The following ARHGEF10L variants were observed in gnomAD, a reference collection of about 807,000 sequenced individuals.
ARHGEF10L encodes rho guanine nucleotide exchange factor 10-like protein.
Under a neutral mutation model 141.2 loss-of-function variants are expected in ARHGEF10L, and 69 were observed. The ratio of observed to expected loss-of-function variants is 0.49; its 90% CI spans 0.40 to 0.60. The LOEUF (loss-of-function observed/expected upper bound fraction) is 0.60, where lower values mean the gene tolerates loss of function less well. Ranked by LOEUF, ARHGEF10L falls within the 20% of genes least tolerant of loss-of-function variation. The probability of loss-of-function intolerance (pLI) is 0.00; values close to 1 mark genes in which losing one functional copy is unlikely to be tolerated. For synonymous variants in ARHGEF10L, 711 were observed against 718.5 expected (o/e 0.99, Z 0.17); for missense variants, 1,482 against 1,734.3 (o/e 0.85, Z 2.58).
At chr1:17,597,909 G>A (rs1396499289) in intron 4 of ARHGEF10L, among the ~76,000 whole-genome samples, 1 of 152,108 alleles carries the variant, frequency 6.6e-6, no homozygotes, top group Non-Finnish European at 1.5e-5. Flanking sequence ...TGATGCCTCT[G>A]CCCACCTCCA....
intron 1 of ARHGEF10L, among the ~76,000 whole-genome samples, chr1:17,544,701 C>T (rs1044733053): frequency 4.0e-5 from 6 of 151,866 alleles, no homozygotes; most frequent in South Asian, 2.1e-4. Context: ...TGTGTGTGTG[C>T]GTTGGGGAGT....
At chr1:17,692,098 G>A (rs984853302) in intron 27 of ARHGEF10L, among the ~76,000 whole-genome samples, 14 of 152,214 alleles carry the variant, frequency 9.2e-5, no homozygotes, top group Non-Finnish European at 1.3e-4. Context: ...AGGGCTGGGG[G>A]CCTGACCCTG....
intron 15 of ARHGEF10L, among the ~76,000 whole-genome samples, chr1:17,630,906 G>A (rs1247645877): frequency 6.6e-6 from 1 of 150,446 alleles, no homozygotes; most frequent in East Asian, 2.0e-4. Context: ...CTCTCCTGGG[G>A]ATGCCTGGGG....
At chr1:17,522,018 AGGAC>A in the ARHGEF10L span, among the ~76,000 whole-genome samples, 4 of 152,180 alleles carry the variant, frequency 2.6e-5, no homozygotes, top group Non-Finnish European at 5.9e-5. Flanking sequence ...CATGACTCCC[AGGAC>A]GGACGGTTGT....
intron 1 of ARHGEF10L, among the ~76,000 whole-genome samples, chr1:17,544,009 T>C (rs2076827924): frequency 6.6e-6 from 1 of 151,034 alleles, no homozygotes; most frequent in Non-Finnish European, 1.5e-5. Flanking sequence ...TGCAGTGGCG[T>C]GATCTCTGCT....
At chr1:17,585,295 A>G (rs112357399) in intron 2 of ARHGEF10L, among the ~76,000 whole-genome samples, 2,280 of 152,154 alleles carry the variant, frequency 0.015, 60 homozygotes, top group African/African-American at 0.052. Context: ...GTTCCAGTCC[A>G]TCCCCATCCT....
At chr1:17,694,884 G>A (rs1375412123) in intron 27 of ARHGEF10L, 6 of 627,042 alleles carry the variant, frequency 9.6e-6, no homozygotes, top group African/African-American at 1.8e-5. Flanking sequence ...CAGGCGCTGT[G>A]CCTGTGGTGT....
Position 17,656,700 on chromosome 1 carries a change from G to T in ARHGEF10L, c.2852G>T (p.Arg951Leu), listed in dbSNP as rs542988034. The T allele has an allele frequency of 1.2e-6, 2 of 1,612,540 alleles. No individual in the cohort carries two copies. Among genetic ancestry groups the T allele is most frequent in the East Asian group, 4.5e-5 (2 of 44,856 alleles). Residue 951 changes from arginine to leucine, a missense_variant, in exon 25 of 29, where the codon CGG becomes CTG. Transcript: ENST00000361221. The surrounding 1 kb of genome is among the most constrained non-coding windows in gnomAD (Gnocchi z 4.9). ...LQDGTLAAYP[R>L]TSGGVLWDLE... ...GATGGGACCCTTGCTGCTTACCCTC[G>T]GACCAGCGGTGAGGACTGGGGGGAA... is the stretch of plus-strand genomic sequence containing the variant.
chr1:17,671,355 C>T (rs546416503), intron 26 of ARHGEF10L, among the ~76,000 whole-genome samples: 5 of 152,270 alleles, frequency 3.3e-5, no homozygotes, highest in South Asian at 4.1e-4. Flanking sequence ...GGGAGGAATT[C>T]GCAGAAGGGG....
intron 22 of ARHGEF10L, among the ~76,000 whole-genome samples, chr1:17,649,914 A>G (rs780836662): frequency 9.2e-5 from 14 of 152,170 alleles, no homozygotes; most frequent in Non-Finnish European, 1.3e-4. Context: ...GCAGGAGGAG[A>G]GAGGGCGGGC....
At chr1:17,514,758 GT>G in the ARHGEF10L span, among the ~76,000 whole-genome samples, 1 of 152,146 alleles carries the variant, frequency 6.6e-6, no homozygotes, top group African/African-American at 2.4e-5. Context: ...AGGTGTGTGT[GT>G]TGGGGGGACC....
At chr1:17,664,686 C>A in intron 26 of ARHGEF10L, 91 bp downstream of exon 26, 1 of 1,384,292 alleles carries the variant, frequency 7.2e-7, no homozygotes, top group South Asian at 1.6e-5. Flanking sequence ...GCTTTCAGCT[C>A]CCAGTGGCAT....
At chr1:17,556,266 TGGCGGCGGGGGGGGGGCCTG>T (rs2077315098) in intron 1 of ARHGEF10L, among the ~76,000 whole-genome samples, 1 of 13,228 alleles carries the variant, frequency 7.6e-5, no homozygotes, top group African/African-American at 3.7e-4. Flanking sequence ...CCTGGGAGCA[TGGCGGCGGGGGGGGGGCCTG>T]GGAGCACAGG....
chr1:17,610,127 C>T (rs994661403), intron 7 of ARHGEF10L, among the ~76,000 whole-genome samples: 28 of 152,334 alleles, frequency 1.8e-4, no homozygotes, highest in African/African-American at 5.5e-4. Context: ...GGCTTTCCAG[C>T]GGTGGTCCCC....
intron 26 of ARHGEF10L, among the ~76,000 whole-genome samples, chr1:17,669,104 AG>A (rs1371960317): frequency 6.6e-6 from 1 of 152,180 alleles, no homozygotes; most frequent in Non-Finnish European, 1.5e-5. Context: ...CTGCCTTCAG[AG>A]GAAGGGCATT....
intron 25 of ARHGEF10L, among the ~76,000 whole-genome samples, chr1:17,662,805 A>T (rs996180749): frequency 4.6e-5 from 7 of 152,196 alleles, no homozygotes; most frequent in African/African-American, 1.7e-4. Flanking sequence ...GCTGTGCCCC[A>T]TCGTGCCACC....
At chr1:17,631,939 C>T (rs867626525) in intron 15 of ARHGEF10L, among the ~76,000 whole-genome samples, 1 of 152,332 alleles carries the variant, frequency 6.6e-6, no homozygotes, top group Middle Eastern at 3.4e-3. Flanking sequence ...AAGGGCTTCA[C>T]AGCAGGAGTG....
intron 26 of ARHGEF10L, among the ~76,000 whole-genome samples, chr1:17,671,607 C>A (rs911285798): frequency 2.6e-5 from 4 of 152,210 alleles, no homozygotes; most frequent in Non-Finnish European, 4.4e-5. Flanking sequence ...CAAGTGGCGT[C>A]AGCATTTGGA....
Position 17,603,307 on chromosome 1 carries a change from C to G in ARHGEF10L, c.350-201C>G. Among the ~76,000 whole-genome samples the G allele has an allele frequency of 1.4e-5, 1 of 69,116 alleles. No homozygotes were observed. The highest frequency in any genetic ancestry group is 0.012 in the Middle Eastern group (1 of 86). The allele number at this position is 69,116 out of a possible 152,430, so 45.3% of individuals were successfully genotyped here. A position where few individuals can be genotyped will look rare whatever the true frequency, so the allele number is the denominator to read the frequency against. ...GTCTGTGCAGTCACTGGGAGGGCGC[C>G]TTGGAGGGGGTGGGGGGCGGGGAGA... On this transcript the variant is annotated intron_variant, in intron 5 of 28. Coordinates refer to ENST00000361221, the MANE Select transcript of ARHGEF10L (RefSeq NM_018125.4). The surrounding 1 kb of genome is among the most constrained non-coding windows in gnomAD (Gnocchi z 4.8).
Sources: gnomAD v4.1 joint callset for allele counts (sites outside exome capture counted in the v4.1 genomes callset) on GRCh38, gnomAD v4.1.1 for gene constraint, Gnocchi (gnomAD v3.1) non-coding constraint, MANE v1.5 for transcripts, NCBI Gene and HGNC (gene_info 2026-07-23, HGNC 2026-07-21) for gene names.